The following INVS variants were observed in gnomAD, a reference collection of about 807,000 sequenced individuals.
INVS encodes inversin, also known as inversion of embryo turning homolog.
A neutral mutation model predicts 108.8 loss-of-function variants in INVS; 86 were observed. The ratio of observed to expected loss-of-function variants is 0.79; its 90% confidence interval spans 0.66 to 0.95. INVS has a LOEUF of 0.95. Ranked by LOEUF, INVS falls within the 40% of genes least tolerant of loss-of-function variation. INVS has a pLI of 0.00. For synonymous variants in INVS, 455 were observed against 473.5 expected (o/e 0.96, Z 0.51); for missense variants, 1,169 against 1,297.4 (o/e 0.90, Z 1.52).
At chr9:100,296,040 G>C (rs1047724052) in intron 14 of INVS, among the ~76,000 whole-genome samples, 3 of 152,126 alleles carry the variant, frequency 2.0e-5, no homozygotes, top group African/African-American at 7.2e-5. Context: ...GGAGGGAGGG[G>C]CTGCACCAAG....
chr9:100,159,526 T>A (rs1024925214), intron 3 of INVS, among the ~76,000 whole-genome samples: 7 of 152,216 alleles, frequency 4.6e-5, no homozygotes, highest in Admixed American at 6.5e-5. Flanking sequence ...AACATTGCTT[T>A]ATTATAGATA....
chr9:100,299,233 T>A (rs1326265785), intron 16 of INVS, among the ~76,000 whole-genome samples: 1 of 152,172 alleles, frequency 6.6e-6, no homozygotes, highest in African/African-American at 2.4e-5. Flanking sequence ...GATAAAATGA[T>A]CTTTTCCTAA....
intron 2 of INVS, among the ~76,000 whole-genome samples, chr9:100,115,297 ATT>A (rs1046425819): frequency 1.8e-4 from 25 of 140,280 alleles, no homozygotes; most frequent in Non-Finnish European, 3.0e-4. Flanking sequence ...TTTTATTTTT[ATT>A]TTATATATAT....
chr9:100,152,299 A>G (rs2118984718), intron 3 of INVS, among the ~76,000 whole-genome samples: 1 of 152,314 alleles, frequency 6.6e-6, no homozygotes. Flanking sequence ...TTCATCATGT[A>G]ACCTACCCAG....
chr9:100,099,249 A>T lies in INVS; in HGVS notation c.-192A>T, dbSNP rs537621596. The T allele has an allele frequency of 4.0e-4, 65 of 163,430 alleles. No homozygotes were observed. Among genetic ancestry groups the T allele is most frequent in the East Asian group, 1.1e-3 (6 of 5,318 alleles). The allele number at this position is 163,430 out of a possible 1,614,324, so 10.1% of individuals were successfully genotyped here. ...GATGGGAACTACAATTCCCAGAAGG[A>T]TGTGCGGCCGAAAGCCTCGGGCGGC... On this transcript the variant is annotated 5_prime_UTR_variant, in exon 1 of 17. It removes an upstream start codon present in the reference 5' UTR. Coordinates refer to ENST00000262457, the MANE Select transcript of INVS (RefSeq NM_014425.5).
intron 3 of INVS, among the ~76,000 whole-genome samples, chr9:100,140,561 A>G (rs1828393238): frequency 6.6e-6 from 1 of 152,188 alleles, no homozygotes; most frequent in South Asian, 2.1e-4. Context: ...AGGAGATATG[A>G]TGGCTTAGCT....
chr9:100,230,497 C>T lies in INVS; in HGVS notation c.615+670C>T, dbSNP rs539981316. ...TTTTTTGCAGTGCCCTATTCTTTCTCGCTCAACCTTATGCTGTTTATTTTA... is the reference window on the plus strand; with the variant it reads ...TTTTTTGCAGTGCCCTATTCTTTCTTGCTCAACCTTATGCTGTTTATTTTA... On this transcript the variant is annotated intron_variant, in intron 5 of 16. Transcript: ENST00000262457. 6.6e-5 allele frequency among the ~76,000 whole-genome samples: 10 copies of T among 152,058 alleles called. No individual in the cohort carries two copies. In the South Asian group the frequency reaches 1.5e-3, roughly 22 times the overall value.
At chr9:100,209,055 C>G (rs1178313430) in intron 3 of INVS, among the ~76,000 whole-genome samples, 1 of 152,126 alleles carries the variant, frequency 6.6e-6, no homozygotes, top group Admixed American at 6.5e-5. Flanking sequence ...GTTCCAAAAT[C>G]CATTCTCATT....
At chr9:100,109,627 G>A (rs184632782) in intron 2 of INVS, among the ~76,000 whole-genome samples, 2 of 152,248 alleles carry the variant, frequency 1.3e-5, no homozygotes, top group Middle Eastern at 3.4e-3. Context: ...CATGTTCTGA[G>A]CAGCATAATC....
At chr9:100,289,657 G>C (rs911710583) in intron 13 of INVS, among the ~76,000 whole-genome samples, 1 of 152,028 alleles carries the variant, frequency 6.6e-6, no homozygotes, top group Admixed American at 6.6e-5. Flanking sequence ...TCCTTTATAT[G>C]GCCTTTTGTT....
At chr9:100,211,187 CTG>C (rs1488707662) in intron 3 of INVS, among the ~76,000 whole-genome samples, 1 of 152,026 alleles carries the variant, frequency 6.6e-6, no homozygotes, top group Non-Finnish European at 1.5e-5. Flanking sequence ...AAAATACCAA[CTG>C]TGAGAAACCA....
At chr9:100,291,213 G>A (rs1195055208) in intron 13 of INVS, among the ~76,000 whole-genome samples, 2 of 151,924 alleles carry the variant, frequency 1.3e-5, no homozygotes, top group Non-Finnish European at 2.9e-5. Flanking sequence ...ACACGCGTGC[G>A]CCACCATGCC....
In INVS at chr9:100,241,261, G is replaced by A. The variant is rs1588114983; in HGVS notation, c.796+1021G>A. On this transcript the variant is annotated intron_variant, in intron 6 of 16. Transcript: ENST00000262457. Reference sequence around the variant, plus strand: ...TTTCTTCTGGATTCTGGGCTTACTTGGCAAATTTGTCTCCATGTAACTAAA... The same window carrying A: ...TTTCTTCTGGATTCTGGGCTTACTTAGCAAATTTGTCTCCATGTAACTAAA... 4.0e-5 allele frequency among the ~76,000 whole-genome samples: 6 copies of A among 151,796 alleles called. 1 individual carries two copies. The highest frequency in any genetic ancestry group is 3.9e-4 in the Admixed American group (6 of 15,256).
At chr9:100,226,343 T>C in intron 4 of INVS, 108 bp downstream of exon 4, 1 of 859,494 alleles carries the variant, frequency 1.2e-6, no homozygotes, top group Non-Finnish European at 1.8e-6. Flanking sequence ...ATATACATGG[T>C]AGAACAATTC....
chr9:100,124,375 A>AT (rs1827820187), intron 2 of INVS, among the ~76,000 whole-genome samples: 1 of 152,008 alleles, frequency 6.6e-6, no homozygotes. Context: ...TGAGAACCAC[A>AT]TCATACAGCA....
intron 14 of INVS, among the ~76,000 whole-genome samples, chr9:100,296,410 C>T (rs1432534180): frequency 6.6e-6 from 1 of 152,214 alleles, no homozygotes; most frequent in African/African-American, 2.4e-5. Flanking sequence ...CCCCTTTCGT[C>T]ACCAAAGACA....
At chr9:100,129,531 A>C (rs1191780177) in intron 3 of INVS, 3 of 465,498 alleles carry the variant, frequency 6.4e-6, no homozygotes, top group Non-Finnish European at 1.2e-5. Context: ...TTTTTTAAAA[A>C]AACAAGGAAT....
At chr9:100,263,394 G>A (rs1226722638) in intron 10 of INVS, among the ~76,000 whole-genome samples, 2 of 152,086 alleles carry the variant, frequency 1.3e-5, no homozygotes, top group Non-Finnish European at 1.5e-5. Flanking sequence ...ATCTAGGAGA[G>A]GATCCATTTT....
chr9:100,294,285 C>A (rs542450180), intron 14 of INVS, among the ~76,000 whole-genome samples: 1 of 152,084 alleles, frequency 6.6e-6, no homozygotes, highest in Non-Finnish European at 1.5e-5. Context: ...TCGAGGTTCC[C>A]GTCAGGAGAA....
Sources: gnomAD v4.1 joint callset for allele counts (sites outside exome capture counted in the v4.1 genomes callset) on GRCh38, gnomAD v4.1.1 for gene constraint, MANE v1.5 for transcripts, NCBI Gene and HGNC (gene_info 2026-07-23, HGNC 2026-07-21) for gene names.